GPC1: variants seen among roughly 807,000 people sequenced by gnomAD.
The protein encoded by GPC1 is glypican-1.
In GPC1, 26 loss-of-function variants were observed where a neutral mutation model predicts 51.5. The observed-to-expected ratio is 0.50, with a 90% CI of 0.37 to 0.70. The LOEUF is 0.70. Ranked by LOEUF, GPC1 falls within the 30% of genes least tolerant of loss-of-function variation. GPC1 has a pLI of 0.00. For missense variants in GPC1, 775 were observed against 800.5 expected (o/e 0.97, Z 0.38); for synonymous variants, 380 against 348.3 (o/e 1.09, Z -1.01).
At chr2:240,465,693 G>T (rs758790793) in intron 8 of GPC1, 45 bp downstream of exon 8, 7 of 1,564,768 alleles carry the variant, frequency 4.5e-6, no homozygotes, top group African/African-American at 2.7e-5. Flanking sequence ...CAGGGTTGGT[G>T]GGGGTGCCAC....
intron 1 of GPC1, chr2:240,450,681 T>C (rs1039396022): frequency 1.7e-5 from 8 of 469,730 alleles, no homozygotes; most frequent in Non-Finnish European, 3.5e-5. Flanking sequence ...AGGTGCTGGC[T>C]TGGGGGGGTG....
At chr2:240,445,851 C>T (rs771953997) in intron 1 of GPC1, among the ~76,000 whole-genome samples, 4 of 152,192 alleles carry the variant, frequency 2.6e-5, no homozygotes, top group African/African-American at 9.7e-5. Context: ...CTCACTGTGA[C>T]TTTGAATTGT....
intron 1 of GPC1, among the ~76,000 whole-genome samples, chr2:240,446,033 G>T (rs2074047963): frequency 6.6e-6 from 1 of 152,240 alleles, no homozygotes; most frequent in Non-Finnish European, 1.5e-5. Flanking sequence ...TCCTGAGAAA[G>T]CGTCTGCGGC....
rs1378996356 is a variant in GPC1, at chr2:240,466,381, C to G, written c.*91C>G. On this transcript the variant is annotated 3_prime_UTR_variant, in exon 9 of 9. Coordinates refer to ENST00000264039, the MANE Select transcript of GPC1 (RefSeq NM_002081.3). ...TTTAATTCACCTCAGCCTGGAGAGG[C>G]CTGGGGTGGGACAGGGAGGGCCGGC... 2.6e-6 allele frequency: 2 copies of G among 773,316 alleles called. No individual in the cohort carries two copies. Among genetic ancestry groups the G allele is most frequent in the East Asian group, 2.7e-5 (1 of 37,584 alleles). The allele number at this position is 773,316 out of a possible 1,614,324, so 47.9% of individuals were successfully genotyped here.
intron 2 of GPC1, among the ~76,000 whole-genome samples, chr2:240,461,380 A>G (rs2074213604): frequency 1.3e-5 from 2 of 152,316 alleles, no homozygotes; most frequent in South Asian, 4.1e-4. Context: ...CCTGTGGGGC[A>G]AAGCCGGCCA....
At chr2:240,452,991 C>T (rs1294695658) in intron 1 of GPC1, 2 of 354,394 alleles carry the variant, frequency 5.6e-6, no homozygotes, top group South Asian at 3.8e-5. Flanking sequence ...CCGCGCGCCG[C>T]CCGGAGCCGC....
intron 2 of GPC1, among the ~76,000 whole-genome samples, chr2:240,459,736 G>A (rs1479993532): frequency 6.6e-6 from 1 of 152,150 alleles, no homozygotes; most frequent in Non-Finnish European, 1.5e-5. Context: ...AGGCCTTGAG[G>A]CCCCGCCAGC....
chr2:240,450,578 C>G (rs1032025264), intron 1 of GPC1: 3 of 470,518 alleles, frequency 6.4e-6, no homozygotes, highest in Admixed American at 2.4e-5. Context: ...AGCAGGGAGA[C>G]AGCTAGACCT....
intron 1 of GPC1, chr2:240,451,104 T>C (rs540225178): frequency 4.2e-6 from 2 of 470,710 alleles, no homozygotes; most frequent in East Asian, 1.4e-4. Context: ...GCGGCCGAGT[T>C]CCTTTGCTCC....
In GPC1 at chr2:240,467,232, A is replaced by G. The variant is rs3792215; in HGVS notation, c.*942A>G. On this transcript the variant is annotated 3_prime_UTR_variant, in exon 9 of 9. Transcript: ENST00000264039. ...CAGGTCAGGGCTCAGAGTGACCCTC[A>G]GCTGTCACCTGCTCACAGGGATGCT... 0.73 allele frequency: 111,211 copies of G among 152,264 alleles called. 41,906 individuals are homozygous for G. The highest frequency in any genetic ancestry group is 0.9 in the African/African-American group (37,540 of 41,548). 9.4% of individuals were successfully genotyped at this position (152,264 alleles called of 1,614,324 possible). A position where few individuals can be genotyped will look rare whatever the true frequency, so the allele number is the denominator to read the frequency against.
chr2:240,460,310 TG>T lies in GPC1; in HGVS notation c.325+1123del, dbSNP rs2074205542. On this transcript the variant is annotated intron_variant, in intron 2 of 8. Coordinates refer to ENST00000264039, the MANE Select transcript of GPC1 (RefSeq NM_002081.3). ...GCCCCTCTGGGACTCTCCTTCCTCC[TG>T]CCCAGCTGGACCCGGGGAGCGAGCC... 2.0e-5 allele frequency among the ~76,000 whole-genome samples: 3 copies of T among 152,094 alleles called. No individual in the cohort carries two copies. In the South Asian group the frequency reaches 6.2e-4, roughly 31 times the overall value.
chr2:240,453,000 G>A, intron 1 of GPC1: 4 of 350,504 alleles, frequency 1.1e-5, no homozygotes, highest in Admixed American at 3.7e-5. Flanking sequence ...GCCCGGAGCC[G>A]CTGGAGCCGC....
In GPC1 at chr2:240,448,194, CG is replaced by C. The variant is rs1204773887; in HGVS notation, c.167-10833del. On this transcript the variant is annotated intron_variant, in intron 1 of 8. Coordinates refer to ENST00000264039, the MANE Select transcript of GPC1 (RefSeq NM_002081.3). This position sits in a 1 kb window ranked among gnomAD's most constrained non-coding sequence, Gnocchi z 4.5. The stretch of plus-strand genomic sequence containing the variant: ...CAGGAAGGGCAGGAGATGCTGGCCC[CG>C]GGTCTGGACAGCTGCCCTCATAGGG... 6.6e-6 allele frequency among the ~76,000 whole-genome samples: 1 copy of C among 152,146 alleles called. No homozygotes were observed. The highest frequency in any genetic ancestry group is 1.5e-5 in the Non-Finnish European group (1 of 68,012).
chr2:240,450,604 C>T (rs2074089137), intron 1 of GPC1: 1 of 470,684 alleles, frequency 2.1e-6, no homozygotes, highest in Admixed American at 2.3e-5. Context: ...AACAAGGGAG[C>T]CCTCACCATG....
At chr2:240,465,723 G>A (rs1266257807) in intron 8 of GPC1, 75 bp downstream of exon 8, 58 of 1,298,386 alleles carry the variant, frequency 4.5e-5, no homozygotes, top group South Asian at 1.1e-4. Flanking sequence ...ACTGCCCTCC[G>A]GGTTCCCCCA....
At chr2:240,452,899 G>A (rs1255724058) in intron 1 of GPC1, 8 of 261,980 alleles carry the variant, frequency 3.1e-5, no homozygotes, top group South Asian at 1.9e-4. Context: ...CTCGTCCCCC[G>A]CTGGCTTTTC....
intron 7 of GPC1, 127 bp downstream of exon 7, chr2:240,465,337 G>A (rs1348430694): frequency 7.5e-7 from 1 of 1,341,608 alleles, no homozygotes; most frequent in African/African-American, 1.4e-5. Flanking sequence ...CTTCTCTGCG[G>A]CCTGTGTGGG....
chr2:240,458,897 C>A, intron 1 of GPC1, 133 bp from the exon 2 acceptor site: 1 of 726,524 alleles, frequency 1.4e-6, no homozygotes, highest in Non-Finnish European at 2.3e-6. Context: ...ACCCAGGGCA[C>A]CCCCCAGGCT....
intron 1 of GPC1, 189 bp from the exon 2 acceptor site, chr2:240,458,841 A>C: frequency 1.7e-6 from 1 of 579,762 alleles, no homozygotes. Flanking sequence ...TACGGGACCG[A>C]AGCCAGGCCT....
Sources: gnomAD v4.1 joint callset for allele counts (sites outside exome capture counted in the v4.1 genomes callset) on GRCh38, gnomAD v4.1.1 for gene constraint, Gnocchi (gnomAD v3.1) non-coding constraint, MANE v1.5 for transcripts, NCBI Gene and HGNC (gene_info 2026-07-23, HGNC 2026-07-21) for gene names.